The following NRIP1 variants were observed in gnomAD, a reference collection of about 807,000 sequenced individuals.
The protein encoded by NRIP1 is nuclear receptor interacting protein 1, also known as nuclear receptor-interacting protein 1.
Under a neutral mutation model 75.0 loss-of-function variants are expected in NRIP1, and 28 were observed. The observed-to-expected ratio is 0.37, with a 90% CI of 0.28 to 0.51. The LOEUF (loss-of-function observed/expected upper bound fraction) is 0.51. NRIP1 is among the 20% of genes least tolerant of loss of function. NRIP1 has a pLI of 0.92. For missense variants in NRIP1, 1,435 were observed against 1,343.7 expected, an observed-to-expected ratio of 1.07 and a Z score of -1.06; for synonymous variants, 526 against 487.6, an observed-to-expected ratio of 1.08 and a Z score of -1.04.
intron 3 of NRIP1, among the ~76,000 whole-genome samples, chr21:14,980,229 C>A (rs1247683381): frequency 6.6e-6 from 1 of 152,032 alleles, no homozygotes; most frequent in East Asian, 1.9e-4. Flanking sequence ...GGTGGCTCAA[C>A]CTGTAATCCC....
At chr21:15,029,293 A>C in intron 2 of NRIP1, among the ~76,000 whole-genome samples, 1 of 150,496 alleles carries the variant, frequency 6.6e-6, no homozygotes, top group African/African-American at 2.5e-5. Flanking sequence ...ACCCTCCCTC[A>C]CTCACCCCAC....
At chr21:14,980,232 G>A (rs1380203078) in intron 3 of NRIP1, among the ~76,000 whole-genome samples, 2 of 152,108 alleles carry the variant, frequency 1.3e-5, no homozygotes, top group African/African-American at 4.8e-5. Context: ...GGCTCAACCT[G>A]TAATCCCAGC....
intron 2 of NRIP1, among the ~76,000 whole-genome samples, chr21:15,041,143 G>T (rs965358190): frequency 6.6e-6 from 1 of 152,002 alleles, no homozygotes; most frequent in Non-Finnish European, 1.5e-5. Context: ...TATAATCATA[G>T]AATAGAACAT....
rs78990957 is a variant in NRIP1 at position 15,014,334 on chromosome 21, A to G, written c.-335+10T>C. On this transcript the variant is annotated intron_variant, in intron 3 of 3. Transcript: ENST00000318948. ...TAAGCCTTAAGAACTCAGGAAAAAA[A>G]TATTCTCACCGTCTGTCTCCAAGCT... 1,654 of 397,504 alleles carry G rather than the reference A, an allele frequency of 4.2e-3. 31 individuals carry two copies. Among genetic ancestry groups the G allele is most frequent in the East Asian group, 0.041 (1,138 of 27,986 alleles). The allele number at this position is 397,504 out of a possible 1,614,324, so 24.6% of individuals were successfully genotyped here. A position where few individuals can be genotyped will look rare whatever the true frequency, so the allele number is the denominator to read the frequency against.
At chr21:14,979,178 AAC>A (rs1335674396) in intron 3 of NRIP1, among the ~76,000 whole-genome samples, 5 of 152,218 alleles carry the variant, frequency 3.3e-5, no homozygotes, top group Non-Finnish European at 7.3e-5. Flanking sequence ...ATACAAAATT[AAC>A]AGAGAGTGTT....
intron 2 of NRIP1, among the ~76,000 whole-genome samples, chr21:15,035,502 A>C (rs117090875): frequency 0.031 from 4,749 of 152,220 alleles, 113 homozygotes; most frequent in Middle Eastern, 0.068. Flanking sequence ...AAAAGGTTTA[A>C]AACTAAGAAA....
chr21:14,988,421 T>TTAGA (rs3075987), intron 3 of NRIP1, among the ~76,000 whole-genome samples: 7,618 of 145,824 alleles, frequency 0.052, 478 homozygotes, highest in African/African-American at 0.15. Flanking sequence ...TCTTTTGTCT[T>TTAGA]TAGATAGATA....
At chr21:15,052,847 T>C (rs2089231855) in intron 1 of NRIP1, among the ~76,000 whole-genome samples, 1 of 152,114 alleles carries the variant, frequency 6.6e-6, no homozygotes, top group Admixed American at 6.5e-5. Flanking sequence ...TTCCTTCCAT[T>C]TACTTCATAC....
At chr21:15,062,096 T>C (rs1006897528) in intron 1 of NRIP1, among the ~76,000 whole-genome samples, 1 of 152,212 alleles carries the variant, frequency 6.6e-6, no homozygotes, top group Non-Finnish European at 1.5e-5. Context: ...TAATTAAAGA[T>C]CTTGGAGGCC....
chr21:15,061,894 G>C lies in NRIP1; in HGVS notation c.-538+2851C>G, dbSNP rs549307089. On this transcript the variant is annotated intron_variant, in intron 1 of 3. Transcript: ENST00000318948. The stretch of plus-strand genomic sequence containing the variant: ...AATCTTCTTCCCTCTGATCTTTCTA[G>C]AGTCAAGGATGGCATATCTCCTTAT... Among the ~76,000 whole-genome samples the C allele has an allele frequency of 1.8e-3, 279 of 152,272 alleles. 2 individuals carry two copies. The highest frequency in any genetic ancestry group is 6.5e-3 in the African/African-American group (269 of 41,556).
chr21:14,987,476 G>T (rs1460982753), intron 3 of NRIP1, among the ~76,000 whole-genome samples: 1 of 152,172 alleles, frequency 6.6e-6, no homozygotes, highest in African/African-American at 2.4e-5. Context: ...CACTGACCAG[G>T]TCTGTCACCT....
At chr21:15,016,583 T>C (rs2088235389) in intron 2 of NRIP1, among the ~76,000 whole-genome samples, 1 of 152,110 alleles carries the variant, frequency 6.6e-6, no homozygotes, top group Admixed American at 6.5e-5. Flanking sequence ...AAAGTACCCA[T>C]AACTATATTT....
chr21:14,990,348 C>G (rs572788634), intron 3 of NRIP1, among the ~76,000 whole-genome samples: 1 of 151,816 alleles, frequency 6.6e-6, no homozygotes, highest in Admixed American at 6.6e-5. Context: ...ATTCCTTATG[C>G]TGGGAACTGT....
At position 14,963,862 on chromosome 21, in the gene NRIP1, C is replaced by G. The variant is rs145451651; in HGVS notation, c.*854G>C. 119 of 152,470 alleles carry G rather than the reference C, an allele frequency of 7.8e-4. 1 individual carries two copies. Among genetic ancestry groups the G allele is most frequent in the African/African-American group, 2.7e-3 (113 of 41,562 alleles). The allele number at this position is 152,470 out of a possible 1,614,324, so 9.4% of individuals were successfully genotyped here. On this transcript the variant is annotated 3_prime_UTR_variant, in exon 4 of 4. Transcript: ENST00000318948. ...TAACTTTTACAAGAGATGGTGAAAA[C>G]TGTCCAAAGAAAAGCCATTTTGCTT...
At chr21:15,005,628 C>T (rs1342578007) in intron 3 of NRIP1, among the ~76,000 whole-genome samples, 3 of 152,086 alleles carry the variant, frequency 2.0e-5, no homozygotes, top group Admixed American at 6.5e-5. Context: ...AAAGGTTTTC[C>T]GAACTAATCT....
At chr21:14,973,837 G>A (rs1983733503) in intron 3 of NRIP1, among the ~76,000 whole-genome samples, 2 of 134,844 alleles carry the variant, frequency 1.5e-5, no homozygotes, top group Admixed American at 1.6e-4. Context: ...CCACCATGCA[G>A]AGCTGATTTT....
At chr21:15,052,236 T>C (rs748023472) in intron 1 of NRIP1, 10 of 152,162 alleles carry the variant, frequency 6.6e-5, no homozygotes, top group African/African-American at 9.7e-5. Flanking sequence ...ATCTAATCCC[T>C]AGCTCCAATT....
At chr21:15,053,418 T>C (rs1452862887) in intron 1 of NRIP1, among the ~76,000 whole-genome samples, 1 of 152,190 alleles carries the variant, frequency 6.6e-6, no homozygotes, top group East Asian at 1.9e-4. Flanking sequence ...TTATTCACCC[T>C]TTTCATTGCA....
intron 3 of NRIP1, among the ~76,000 whole-genome samples, chr21:15,007,954 C>T (rs969509217): frequency 6.6e-6 from 1 of 152,172 alleles, no homozygotes; most frequent in African/African-American, 2.4e-5. Flanking sequence ...CAGTATGAAG[C>T]TGTCAGTAAA....
Sources: allele counts gnomAD v4.1 joint callset (sites outside exome capture counted in the v4.1 genomes callset), GRCh38; gene constraint gnomAD v4.1.1; transcripts MANE v1.5; gene names NCBI Gene and HGNC (gene_info 2026-07-23, HGNC 2026-07-21).